The following ACYP2 variants were observed in gnomAD, a reference collection of about 807,000 sequenced individuals.
ACYP2 encodes acylphosphatase-2.
A neutral mutation model predicts 11.2 loss-of-function variants in ACYP2; 12 were observed. The ratio of observed to expected loss-of-function variants is 1.08; its 90% confidence interval spans 0.69 to 1.74. The LOEUF (loss-of-function observed/expected upper bound fraction) is 1.74. Among genes scored for constraint, ACYP2 ranks in the 40% most tolerant of loss-of-function variants. The pLI is 0.00. For missense variants in ACYP2, 134 were observed against 101.9 expected, an observed-to-expected ratio of 1.31 and a Z score of -1.35; for synonymous variants, 43 against 32.2, an observed-to-expected ratio of 1.33 and a Z score of -1.13.
At position 54,179,639 on chromosome 2, in the gene ACYP2, T is replaced by C. The variant is rs149193992; in HGVS notation, c.404+40891T>C. 4.3e-3 allele frequency among the ~76,000 whole-genome samples: 659 copies of C among 152,286 alleles called. 5 individuals are homozygous for C. Among genetic ancestry groups the C allele is most frequent in the African/African-American group, 0.015 (642 of 41,564 alleles). On this transcript the variant is annotated intron_variant, in intron 6 of 6. Transcript: ENST00000607452. ...CTTCCTGATGTTGCCATGGCATTTG[T>C]AAACTGTCATGGTGCTGGTGGGAGT...
chr2:54,207,030 G>GTGTGTA (rs1685099491), intron 6 of ACYP2, among the ~76,000 whole-genome samples: 1 of 151,756 alleles, frequency 6.6e-6, no homozygotes, highest in Non-Finnish European at 1.5e-5. Context: ...GTATATGTGT[G>GTGTGTA]CATGTACATG....
chr2:54,074,195 A>G (rs965354940), intron 4 of ACYP2, among the ~76,000 whole-genome samples: 3 of 152,178 alleles, frequency 2.0e-5, no homozygotes, highest in African/African-American at 7.2e-5. Flanking sequence ...ATTTTTCAAA[A>G]TTAGCTGGGT....
At chr2:54,117,146 A>G (rs1679857159) in intron 4 of ACYP2, among the ~76,000 whole-genome samples, 1 of 152,228 alleles carries the variant, frequency 6.6e-6, no homozygotes, top group African/African-American at 2.4e-5. Context: ...TTTAGAACTC[A>G]TTGTATTCAA....
chr2:54,042,035 T>C (rs1675260283), intron 2 of ACYP2, among the ~76,000 whole-genome samples: 1 of 151,198 alleles, frequency 6.6e-6, no homozygotes, highest in Non-Finnish European at 1.5e-5. Flanking sequence ...GAGATGGAGT[T>C]TCACTCTTCT....
At chr2:54,091,720 C>T (rs370999427) in intron 4 of ACYP2, among the ~76,000 whole-genome samples, 13 of 152,042 alleles carry the variant, frequency 8.6e-5, no homozygotes, top group Admixed American at 2.6e-4. Flanking sequence ...CCATGTTGGT[C>T]GGGCTGGTCT....
intron 2 of ACYP2, among the ~76,000 whole-genome samples, chr2:53,987,674 G>T (rs1672101015): frequency 6.6e-6 from 1 of 152,160 alleles, no homozygotes; most frequent in African/African-American, 2.4e-5. Context: ...TAGCCTTTCT[G>T]ATAAGCATGC....
intron 6 of ACYP2, among the ~76,000 whole-genome samples, chr2:54,184,341 A>T (rs1009743164): frequency 3.3e-5 from 5 of 152,166 alleles, no homozygotes; most frequent in Non-Finnish European, 7.3e-5. Context: ...TGACAGAGGC[A>T]CTTACACATA....
At chr2:54,088,475 G>A (rs917806092) in intron 4 of ACYP2, among the ~76,000 whole-genome samples, 2 of 152,076 alleles carry the variant, frequency 1.3e-5, no homozygotes, top group Admixed American at 6.5e-5. Flanking sequence ...CAGGGCCTGC[G>A]AGCACAAAGC....
At chr2:54,142,063 A>T (rs1184888914) in intron 6 of ACYP2, 1 of 404,454 alleles carries the variant, frequency 2.5e-6, no homozygotes, top group Admixed American at 4.2e-5. Context: ...TTGTAGAGAT[A>T]GTGTCTCACT....
intron 6 of ACYP2, among the ~76,000 whole-genome samples, chr2:54,237,573 G>A (rs1686543196): frequency 6.6e-6 from 1 of 152,162 alleles, no homozygotes; most frequent in African/African-American, 2.4e-5. Context: ...GCACTTTGAA[G>A]ATAATTCCAT....
intron 4 of ACYP2, among the ~76,000 whole-genome samples, chr2:54,058,191 T>C (rs534613921): frequency 1.3e-5 from 2 of 152,132 alleles, no homozygotes; most frequent in South Asian, 4.2e-4. Flanking sequence ...CAAGCTAAAA[T>C]GTGAATAAGC....
intron 2 of ACYP2, among the ~76,000 whole-genome samples, chr2:53,993,238 G>T (rs574553075): frequency 6.6e-6 from 1 of 152,154 alleles, no homozygotes; most frequent in Admixed American, 6.5e-5. Flanking sequence ...TCAGATGAGA[G>T]ATGCTAGCCC....
At chr2:54,023,326 C>T (rs188037928) in intron 2 of ACYP2, among the ~76,000 whole-genome samples, 1 of 152,240 alleles carries the variant, frequency 6.6e-6, no homozygotes, top group Non-Finnish European at 1.5e-5. Flanking sequence ...AAATGTCACA[C>T]TAATTTTTTT....
chr2:54,094,106 A>G (rs916099301), intron 4 of ACYP2, among the ~76,000 whole-genome samples: 3 of 152,234 alleles, frequency 2.0e-5, no homozygotes, highest in Admixed American at 2.0e-4. Context: ...AAACTACAAA[A>G]AAGTGGTTAA....
intron 2 of ACYP2, among the ~76,000 whole-genome samples, chr2:54,036,410 A>C (rs771146908): frequency 6.6e-6 from 1 of 152,190 alleles, no homozygotes; most frequent in African/African-American, 2.4e-5. Flanking sequence ...CCCTTTTGCC[A>C]TGTAAAGTAA....
chr2:54,266,836 C>G (rs1455968497), intron 6 of ACYP2, among the ~76,000 whole-genome samples: 5 of 151,844 alleles, frequency 3.3e-5, no homozygotes, highest in African/African-American at 9.7e-5. Context: ...TTCTCAATCT[C>G]CTGACCTCGT....
At chr2:54,298,989 C>T (rs369410382) in intron 6 of ACYP2, among the ~76,000 whole-genome samples, 3 of 152,102 alleles carry the variant, frequency 2.0e-5, no homozygotes, top group Admixed American at 2.0e-4. Context: ...CTGACCTCAA[C>T]TGATCCACCC....
intron 6 of ACYP2, among the ~76,000 whole-genome samples, chr2:54,272,728 TC>T (rs1347392942): frequency 6.6e-6 from 1 of 152,244 alleles, no homozygotes; most frequent in Non-Finnish European, 1.5e-5. Flanking sequence ...ACTGTCCACA[TC>T]CTTGAGTTGC....
At chr2:53,971,647 G>T (rs1671127211) in intron 1 of ACYP2, among the ~76,000 whole-genome samples, 2 of 152,142 alleles carry the variant, frequency 1.3e-5, no homozygotes, top group African/African-American at 4.8e-5. Flanking sequence ...ATAAAGACGT[G>T]AATTACAAGA....
Sources: gnomAD v4.1 joint callset for allele counts (sites outside exome capture counted in the v4.1 genomes callset) on GRCh38, gnomAD v4.1.1 for gene constraint, MANE v1.5 for transcripts, NCBI Gene and HGNC (gene_info 2026-07-23, HGNC 2026-07-21) for gene names.